GRID2: variants seen among roughly 807,000 people sequenced by gnomAD.
GRID2 encodes glutamate receptor ionotropic, delta-2.
In GRID2, 33 loss-of-function variants were observed where a neutral mutation model predicts 114.8. The observed-to-expected ratio is 0.29, with a 90% CI of 0.22 to 0.38. The LOEUF (loss-of-function observed/expected upper bound fraction) is 0.38, where lower values mean the gene tolerates loss of function less well. GRID2 is among the 10% of genes least tolerant of loss of function. The pLI, the probability that GRID2 is intolerant of heterozygous loss-of-function variation, is 1.00. For synonymous variants in GRID2, 505 were observed against 449.9 expected, an observed-to-expected ratio of 1.12 and a Z score of -1.55; for missense variants, 1,184 against 1,257.7, an observed-to-expected ratio of 0.94 and a Z score of 0.89.
At chr4:92,641,973 T>C (rs2149254133) in intron 2 of GRID2, among the ~76,000 whole-genome samples, 1 of 151,488 alleles carries the variant, frequency 6.6e-6, no homozygotes, top group South Asian at 2.1e-4. Flanking sequence ...TTCATTCTTT[T>C]ATGACTGTGT....
intron 2 of GRID2, among the ~76,000 whole-genome samples, chr4:92,683,172 G>A (rs1322348506): frequency 3.3e-5 from 5 of 151,946 alleles, no homozygotes; most frequent in South Asian, 4.2e-4. Flanking sequence ...GGTGGCGGGC[G>A]CCTGTAGTCC....
At chr4:92,712,442 A>G (rs1560547105) in intron 2 of GRID2, among the ~76,000 whole-genome samples, 1 of 152,114 alleles carries the variant, frequency 6.6e-6, no homozygotes, top group Non-Finnish European at 1.5e-5. Flanking sequence ...CACTTTTACC[A>G]GTTGATGCCA....
intron 1 of GRID2, among the ~76,000 whole-genome samples, chr4:92,558,539 A>G (rs1286230590): frequency 6.6e-6 from 1 of 152,166 alleles, no homozygotes; most frequent in Non-Finnish European, 1.5e-5. Flanking sequence ...CTTTAAAAAT[A>G]TAATCCTTTC....
chr4:93,582,833 C>T (rs890998799), intron 13 of GRID2, among the ~76,000 whole-genome samples: 6 of 152,080 alleles, frequency 3.9e-5, no homozygotes, highest in Non-Finnish European at 8.8e-5. Context: ...TCAATAGAAA[C>T]GATTTTGTAT....
chr4:92,880,381 CATA>C (rs1745920917), intron 2 of GRID2, among the ~76,000 whole-genome samples: 1 of 152,014 alleles, frequency 6.6e-6, no homozygotes, highest in East Asian at 1.9e-4. Context: ...CATTCTAGTC[CATA>C]ATATTTTTTT....
At chr4:93,099,571 T>C (rs564448883) in intron 3 of GRID2, among the ~76,000 whole-genome samples, 9 of 151,958 alleles carry the variant, frequency 5.9e-5, no homozygotes, top group African/African-American at 2.2e-4. Context: ...GCTGGGTAGA[T>C]ATGTACACTT....
chr4:93,807,391 T>C (rs1243080761), exon 2 of GRID2: 1 of 152,200 alleles, frequency 6.6e-6, no homozygotes, highest in African/African-American at 2.4e-5. Context: ...TAAACATCTT[T>C]GGAGGTTTTA....
At chr4:92,867,302 A>G (rs1376168482) in intron 2 of GRID2, among the ~76,000 whole-genome samples, 1 of 152,170 alleles carries the variant, frequency 6.6e-6, no homozygotes. Flanking sequence ...AAAAAGTGCT[A>G]TTGATTCTCC....
chr4:92,852,960 C>G (rs1743929138), intron 2 of GRID2, among the ~76,000 whole-genome samples: 1 of 151,940 alleles, frequency 6.6e-6, no homozygotes, highest in African/African-American at 2.4e-5. Context: ...TTCTGTTCTG[C>G]TGTAAATTCT....
chr4:92,990,341 G>T (rs552487734), intron 2 of GRID2, among the ~76,000 whole-genome samples: 9 of 148,536 alleles, frequency 6.1e-5, no homozygotes, highest in African/African-American at 1.7e-4. Context: ...AATTTTTTTT[G>T]AGATAGAGTC....
intron 5 of GRID2, among the ~76,000 whole-genome samples, chr4:93,211,596 G>A (rs944914778): frequency 6.6e-6 from 1 of 152,074 alleles, no homozygotes; most frequent in Non-Finnish European, 1.5e-5. Context: ...GTTTTCTACT[G>A]TGAATTGTCT....
intron 1 of GRID2, among the ~76,000 whole-genome samples, chr4:93,787,028 G>T (rs975539857): frequency 6.6e-6 from 1 of 151,648 alleles, no homozygotes; most frequent in Non-Finnish European, 1.5e-5. Flanking sequence ...AAATCTCAGT[G>T]GCTTGATCTA....
At chr4:92,814,995 G>A (rs1337187193) in intron 2 of GRID2, among the ~76,000 whole-genome samples, 2 of 152,086 alleles carry the variant, frequency 1.3e-5, no homozygotes, top group African/African-American at 4.8e-5. Context: ...CTCCATTATT[G>A]TAGAGCAGGC....
chr4:92,425,855 T>G, intron 1 of GRID2, among the ~76,000 whole-genome samples: 1 of 152,164 alleles, frequency 6.6e-6, no homozygotes, highest in East Asian at 1.9e-4. Context: ...CAAATTAATA[T>G]ATTTAAAGCA....
At chr4:92,492,108 C>T (rs1723171449) in intron 1 of GRID2, among the ~76,000 whole-genome samples, 1 of 152,112 alleles carries the variant, frequency 6.6e-6, no homozygotes, top group African/African-American at 2.4e-5. Context: ...TTTGTATGCT[C>T]ATCAGGACAG....
intron 2 of GRID2, among the ~76,000 whole-genome samples, chr4:92,784,761 T>C (rs1026068547): frequency 8.8e-4 from 134 of 152,038 alleles, no homozygotes; most frequent in Middle Eastern, 3.4e-3. Flanking sequence ...TTGATCCAAA[T>C]ACAGTGAAAA....
At chr4:93,339,830 G>A (rs1394475978) in intron 8 of GRID2, among the ~76,000 whole-genome samples, 1 of 151,894 alleles carries the variant, frequency 6.6e-6, no homozygotes, top group Non-Finnish European at 1.5e-5. Context: ...GGGGAAGCAA[G>A]GCACCTTCTT....
At chr4:93,400,207 G>A (rs1007040187) in intron 9 of GRID2, among the ~76,000 whole-genome samples, 2 of 152,034 alleles carry the variant, frequency 1.3e-5, no homozygotes, top group Non-Finnish European at 2.9e-5. Flanking sequence ...ATTGAGATGT[G>A]AGGATTGCAT....
At chr4:93,461,064 A>G (rs1263722019) in intron 11 of GRID2, among the ~76,000 whole-genome samples, 1 of 152,190 alleles carries the variant, frequency 6.6e-6, no homozygotes, top group Non-Finnish European at 1.5e-5. Flanking sequence ...ATGCTTTTCT[A>G]GTTCTATAAA....
Sources: allele counts gnomAD v4.1 joint callset (sites outside exome capture counted in the v4.1 genomes callset), GRCh38; gene constraint gnomAD v4.1.1; transcripts MANE v1.5; gene names NCBI Gene and HGNC (gene_info 2026-07-23, HGNC 2026-07-21).